ZNF182: variants seen among roughly 807,000 people sequenced by gnomAD.
The protein encoded by ZNF182 is zinc finger protein 182.
ZNF182 carries 10 observed loss-of-function variants against 28.1 expected under a neutral mutation model. The observed-to-expected ratio is 0.36, with a 90% confidence interval of 0.22 to 0.60. ZNF182 has a LOEUF of 0.60. ZNF182 is among the 20% of genes least tolerant of loss of function. The pLI is 0.75. For missense variants in ZNF182, 352 were observed against 453.2 expected, an observed-to-expected ratio of 0.78 and a Z score of 2.03; for synonymous variants, 156 against 158.7, an observed-to-expected ratio of 0.98 and a Z score of 0.13.
chrX:48,001,776 C>A (rs1401834902), intron 3 of ZNF182, among the ~76,000 whole-genome samples: 1 of 111,418 alleles, frequency 9.0e-6, no homozygotes, highest in Non-Finnish European at 1.9e-5. Flanking sequence ...ATACATGACA[C>A]CTCACTTATA....
Position 47,976,294 on chromosome X carries a change from T to C in ZNF182, c.1736A>G (p.Tyr579Cys). ...GGCTTTCCCACATTCTGTACATTTATAGGGTTTCTCTCCAGTATGAGTTCT... is the reference window on the plus strand; with the variant it reads ...GGCTTTCCCACATTCTGTACATTTACAGGGTTTCTCTCCAGTATGAGTTCT... ...HQRTHTGEKPYKCTECGKAFT... is the reference protein window; with the variant it reads ...HQRTHTGEKPCKCTECGKAFT... The change falls in exon 6 of 6, where the codon TAT (tyrosine) becomes TGT (cysteine). Residue 579 changes from tyrosine to cysteine, a missense_variant. Tyr to Cys is a radical substitution (Grantham distance 194). Transcript: ENST00000376943. 2 of 1,207,989 alleles carry C rather than the reference T, an allele frequency of 1.7e-6. No individual in the cohort carries two copies. The highest frequency in any genetic ancestry group is 2.2e-6 in the Non-Finnish European group (2 of 894,125).
At chrX:47,995,198 G>A (rs1556900945) in intron 3 of ZNF182, among the ~76,000 whole-genome samples, 2 of 109,841 alleles carry the variant, frequency 1.8e-5, no homozygotes, top group Non-Finnish European at 3.8e-5. Context: ...TGGGTGTGGT[G>A]GTGTGCACCT....
chrX:47,993,327 A>G (rs1335599258), intron 3 of ZNF182, among the ~76,000 whole-genome samples: 1 of 112,263 alleles, frequency 8.9e-6, no homozygotes, highest in Non-Finnish European at 1.9e-5. Flanking sequence ...CCTGAGTTGT[A>G]TCCACCATAA....
At chrX:47,977,913 GGAGA>G (rs202015381) in intron 5 of ZNF182, 116 bp from the exon 6 acceptor site, 10,847 of 705,249 alleles carry the variant, frequency 0.015, 113 homozygotes, top group African/African-American at 0.05. Flanking sequence ...CAGAGTTCCT[GGAGA>G]GAGAGTTTTT....
chrX:47,996,835 G>C (rs921433533), intron 3 of ZNF182, among the ~76,000 whole-genome samples: 1 of 112,032 alleles, frequency 8.9e-6, no homozygotes, highest in Non-Finnish European at 1.9e-5. Context: ...GGCCATGGGA[G>C]GGCACAGCAA....
intron 5 of ZNF182, among the ~76,000 whole-genome samples, chrX:47,978,163 G>A (rs957046388): frequency 1.8e-5 from 2 of 111,335 alleles, no homozygotes; most frequent in Non-Finnish European, 3.8e-5. Flanking sequence ...GACCTCCTGA[G>A]CTCAAGCGAT....
At chrX:47,982,256 C>A (rs1357910851) in intron 5 of ZNF182, among the ~76,000 whole-genome samples, 1 of 111,690 alleles carries the variant, frequency 9.0e-6, no homozygotes, top group Non-Finnish European at 1.9e-5. Context: ...AATAAAATGT[C>A]CAGAACAGGC....
chrX:47,992,429 C>T (rs2058945099), intron 3 of ZNF182, among the ~76,000 whole-genome samples: 1 of 110,668 alleles, frequency 9.0e-6, no homozygotes, highest in African/African-American at 3.3e-5. Context: ...AGACACAACC[C>T]ACTTGACTCG....
chrX:47,988,229 AT>A (rs1457203738), intron 3 of ZNF182, among the ~76,000 whole-genome samples: 2 of 110,790 alleles, frequency 1.8e-5, no homozygotes, highest in Non-Finnish European at 3.8e-5. Context: ...AGGTATGAGA[AT>A]CGCTTGAACT....
chrX:48,002,654 C>G lies in ZNF182; in HGVS notation c.-44-1G>C, dbSNP rs1556902048. The G allele has an allele frequency of 8.3e-7, 1 of 1,203,374 alleles. No individual in the cohort carries two copies. The highest frequency in any genetic ancestry group is 3.0e-5 in the East Asian group (1 of 33,741). On this transcript the variant is annotated splice_acceptor_variant, in intron 2 of 5. Coordinates refer to ENST00000376943, the MANE Select transcript of ZNF182 (RefSeq NM_001007088.2). LOFTEE classifies it low-confidence loss of function (5UTR_SPLICE). ...AAAGCAGAGATGTGTGACGGCCGAG[C>G]TGGAACAAGTGGAGAAGAGTACAGC...
At chrX:47,990,318 AG>A (rs1189094656) in intron 3 of ZNF182, among the ~76,000 whole-genome samples, 2 of 111,113 alleles carry the variant, frequency 1.8e-5, no homozygotes, top group African/African-American at 6.6e-5. Flanking sequence ...ATTAATGGAC[AG>A]GTACTGGGCT....
rs142706674 is a variant in ZNF182, at chrX:48,002,574, A to G, written c.15+21T>C. 1.5e-3 allele frequency: 1,776 copies of G among 1,209,290 alleles called. 14 individuals carry two copies. In the African/African-American group the frequency reaches 0.029, roughly 20 times the overall value. ...CATCCACAGTAAAATAGAGGAATGA[A>G]GAAACAGACAACATACTTACCTGGG... is the stretch of plus-strand genomic sequence containing the variant. On this transcript the variant is annotated intron_variant, in intron 3 of 5. Coordinates refer to ENST00000376943, the MANE Select transcript of ZNF182 (RefSeq NM_001007088.2).
intron 3 of ZNF182, among the ~76,000 whole-genome samples, chrX:47,987,878 A>C (rs2146465087): frequency 8.9e-6 from 1 of 112,034 alleles, no homozygotes; most frequent in South Asian, 3.7e-4. Context: ...GGGCAAGTAA[A>C]GTTAAAGATG....
intron 3 of ZNF182, among the ~76,000 whole-genome samples, chrX:47,988,232 G>A (rs1024494757): frequency 1.8e-5 from 2 of 110,518 alleles, no homozygotes; most frequent in Admixed American, 9.7e-5. Context: ...TATGAGAATC[G>A]CTTGAACTCA....
chrX:47,996,250 T>C (rs1556901079), intron 3 of ZNF182, among the ~76,000 whole-genome samples: 1 of 110,699 alleles, frequency 9.0e-6, no homozygotes, highest in East Asian at 2.8e-4. Flanking sequence ...ACTTATAAGA[T>C]GGTAAGGTTC....
chrX:47,982,105 G>A (rs1250728939), intron 5 of ZNF182, among the ~76,000 whole-genome samples: 3 of 111,737 alleles, frequency 2.7e-5, no homozygotes, highest in Non-Finnish European at 5.6e-5. Flanking sequence ...AACAAAATGT[G>A]TTCTATCCTA....
At position 47,976,983 on chromosome X, in the gene ZNF182, A is replaced by G. The variant is rs782225172; in HGVS notation, c.1047T>C (p.His349=). 15 of 1,202,248 alleles carry G rather than the reference A, an allele frequency of 1.2e-5. No homozygotes were observed. The highest frequency in any genetic ancestry group is 3.0e-5 in the East Asian group (1 of 33,683). Residue 349 remains histidine (H), a synonymous_variant, in exon 6 of 6, where the codon CAT becomes CAC. Coordinates refer to ENST00000376943, the MANE Select transcript of ZNF182 (RefSeq NM_001007088.2). ...TACATTCATGGGGTTTCTTTCCTGT[A>G]TGGGTACTATGATGTATAATTAGAT... ...KLDLIIHHST[H]TGKKPHECNE...
rs2058890886 is a variant in ZNF182, at chrX:47,977,711, T to C, written c.319A>G (p.Lys107Glu). Residue 107 changes from lysine (K) to glutamate (E), a missense_variant, in exon 6 of 6, where the codon AAG becomes GAG. Transcript: ENST00000376943. ...GCACTCTTGGTGATAATTGTTTTCT[T>C]GTCAGAAAATCCAACTTGCATCAGC... The part of the protein sequence containing the change: ...CLLMQVGFSD[K>E]KTIITKSARD... 1.7e-6 allele frequency: 2 copies of C among 1,208,836 alleles called. No individual in the cohort carries two copies. Among genetic ancestry groups the C allele is most frequent in the African/African-American group, 1.7e-5 (1 of 57,815 alleles).
At chrX:47,990,252 C>T (rs188661419) in intron 3 of ZNF182, among the ~76,000 whole-genome samples, 6 of 111,465 alleles carry the variant, frequency 5.4e-5, no homozygotes, top group Non-Finnish European at 5.6e-5. Context: ...CAAAAATCCG[C>T]GTCTGGTTAC....
Sources: gnomAD v4.1 joint callset for allele counts (sites outside exome capture counted in the v4.1 genomes callset) on GRCh38, gnomAD v4.1.1 for gene constraint, MANE v1.5 for transcripts, NCBI Gene and HGNC (gene_info 2026-07-23, HGNC 2026-07-21) for gene names.